CELF6: variants seen among roughly 807,000 people sequenced by gnomAD.
CELF6 encodes CUGBP Elav-like family member 6, also known as Bruno -like 6, RNA binding protein.
CELF6 carries 32 observed loss-of-function variants against 53.1 expected under a neutral mutation model. The observed-to-expected ratio is 0.60, with a 90% CI of 0.46 to 0.81. CELF6 has a LOEUF of 0.81. CELF6 is among the 30% of genes least tolerant of loss of function. CELF6 has a pLI of 0.00. For synonymous variants in CELF6, 291 were observed against 288.8 expected (o/e 1.01, Z -0.08); for missense variants, 539 against 669.5 (o/e 0.81, Z 2.15).
chr15:72,298,477 G>C (rs2088106770), intron 3 of CELF6, among the ~76,000 whole-genome samples: 1 of 152,154 alleles, frequency 6.6e-6, no homozygotes, highest in Non-Finnish European at 1.5e-5. Flanking sequence ...AAGTTTGAAC[G>C]TTAAAAGAAA....
intron 2 of CELF6, among the ~76,000 whole-genome samples, chr15:72,313,987 A>C (rs2088331152): frequency 6.6e-6 from 1 of 152,218 alleles, no homozygotes; most frequent in African/African-American, 2.4e-5. Flanking sequence ...GCTTAGCAGT[A>C]AAGACTTGCC....
chr15:72,289,346 A>T lies in CELF6; in HGVS notation c.880+29T>A. 6.5e-7 allele frequency: 1 copy of T among 1,527,410 alleles called. No homozygotes were observed. Among genetic ancestry groups the T allele is most frequent in the Non-Finnish European group, 8.7e-7 (1 of 1,143,190 alleles). 94.6% of individuals were successfully genotyped at this position (1,527,410 alleles called of 1,614,324 possible). Reference sequence around the variant, plus strand: ...CACCCCGCCCCGCCCGGCCCCTCCCAGGCGCGCCCCAGTCCCTGGGGGCCG... The same window carrying T: ...CACCCCGCCCCGCCCGGCCCCTCCCTGGCGCGCCCCAGTCCCTGGGGGCCG... On this transcript the variant is annotated intron_variant, in intron 7 of 12. Transcript: ENST00000287202. This position sits in a 1 kb window ranked among gnomAD's most constrained non-coding sequence, Gnocchi z 7.6.
chr15:72,290,687 G>C (rs116319953), intron 3 of CELF6, among the ~76,000 whole-genome samples: 2,286 of 152,324 alleles, frequency 0.015, 54 homozygotes, highest in African/African-American at 0.052. Context: ...GTCCAGAGAA[G>C]AGAAGTACAT....
intron 2 of CELF6, among the ~76,000 whole-genome samples, chr15:72,307,012 A>C (rs1460782694): frequency 1.3e-5 from 2 of 151,846 alleles, no homozygotes; most frequent in African/African-American, 4.8e-5. Context: ...CGGGTGCAGG[A>C]GAGGCAGGGA....
chr15:72,301,668 G>A (rs1035132551), intron 3 of CELF6, among the ~76,000 whole-genome samples: 6 of 151,858 alleles, frequency 4.0e-5, no homozygotes, highest in South Asian at 4.2e-4. Flanking sequence ...AATGGGACAC[G>A]CTGTTCCACG....
intron 2 of CELF6, among the ~76,000 whole-genome samples, chr15:72,315,351 C>T (rs1198091057): frequency 6.6e-6 from 1 of 152,184 alleles, no homozygotes; most frequent in East Asian, 1.9e-4. Flanking sequence ...CAGGTCTCCC[C>T]TAACTTTAGC....
intron 3 of CELF6, among the ~76,000 whole-genome samples, chr15:72,293,667 T>C (rs1296248886): frequency 2.0e-5 from 3 of 151,366 alleles, no homozygotes; most frequent in Non-Finnish European, 2.9e-5. Flanking sequence ...TGGCAACCGA[T>C]GTATACTTCT....
intron 3 of CELF6, among the ~76,000 whole-genome samples, chr15:72,293,069 A>G (rs144599182): frequency 1.1e-4 from 16 of 152,284 alleles, no homozygotes; most frequent in African/African-American, 3.8e-4. Flanking sequence ...CACTGACCCT[A>G]TGGATCTGGA....
chr15:72,303,196 C>A (rs1454603354), intron 3 of CELF6, among the ~76,000 whole-genome samples: 1 of 152,164 alleles, frequency 6.6e-6, no homozygotes, highest in Non-Finnish European at 1.5e-5. Flanking sequence ...CAACAATGGC[C>A]TTGATGCATA....
chr15:72,310,692 T>C (rs2088283866), intron 2 of CELF6, among the ~76,000 whole-genome samples: 2 of 152,090 alleles, frequency 1.3e-5, no homozygotes, highest in African/African-American at 2.4e-5. Context: ...GGTCTCACTA[T>C]GTTGTCCAGG....
Position 72,285,625 on chromosome 15 carries a change from G to A in CELF6, c.*746C>T, listed in dbSNP as rs1395791741. 1 of 152,344 alleles carries A rather than the reference G, an allele frequency of 6.6e-6. No homozygotes were observed. The highest frequency in any genetic ancestry group is 1.5e-5 in the Non-Finnish European group (1 of 68,094). The allele number at this position is 152,344 out of a possible 1,614,324, so 9.4% of individuals were successfully genotyped here. A position where few individuals can be genotyped will look rare whatever the true frequency, so the allele number is the denominator to read the frequency against. On this transcript the variant is annotated 3_prime_UTR_variant, in exon 13 of 13. Transcript: ENST00000287202. Reference sequence around the variant, plus strand: ...TCTTGCTGGCTAGGGGGCCTCCCGGGATGGCAAAGGCCAGGGCCAACCTGA... The same window carrying A: ...TCTTGCTGGCTAGGGGGCCTCCCGGAATGGCAAAGGCCAGGGCCAACCTGA...
chr15:72,292,254 C>G, intron 3 of CELF6: 2 of 1,535,306 alleles, frequency 1.3e-6, no homozygotes, highest in Non-Finnish European at 1.7e-6. Context: ...TGAGATCATC[C>G]TGTTCAGGAG....
At chr15:72,292,229 G>A (rs1395823685) in intron 3 of CELF6, 1 of 1,535,598 alleles carries the variant, frequency 6.5e-7, no homozygotes, top group Non-Finnish European at 8.7e-7. Flanking sequence ...TCCAGCTGTT[G>A]TTTGAGGGGG....
chr15:72,288,179 G>T lies in CELF6; in HGVS notation c.1318+129C>A. On this transcript the variant is annotated intron_variant, in intron 11 of 12. Coordinates refer to ENST00000287202, the MANE Select transcript of CELF6 (RefSeq NM_052840.5). This position sits in a 1 kb window ranked among gnomAD's most constrained non-coding sequence, Gnocchi z 4.6. ...CTAAACTTAGGCCCATCACTGGTTT[G>T]TGACCCTGTTTTGTGCCATACATTC... The T allele has an allele frequency of 9.5e-7, 1 of 1,053,118 alleles. No homozygotes were observed. The highest frequency in any genetic ancestry group is 1.4e-5 in the South Asian group (1 of 71,550). 65.2% of individuals were successfully genotyped at this position (1,053,118 alleles called of 1,614,324 possible).
intron 3 of CELF6, among the ~76,000 whole-genome samples, chr15:72,290,552 G>A (rs1381917503): frequency 1.3e-5 from 2 of 152,194 alleles, no homozygotes; most frequent in African/African-American, 2.4e-5. Flanking sequence ...GCTGGGTAGA[G>A]CCCTATATGC....
At chr15:72,311,359 GC>G (rs2088293303) in intron 2 of CELF6, among the ~76,000 whole-genome samples, 1 of 150,380 alleles carries the variant, frequency 6.6e-6, no homozygotes, top group Non-Finnish European at 1.5e-5. Flanking sequence ...TCTTTTACTT[GC>G]CCAGATGTAT....
At chr15:72,294,745 A>G (rs377308560) in intron 3 of CELF6, among the ~76,000 whole-genome samples, 118 of 152,260 alleles carry the variant, frequency 7.7e-4, no homozygotes, top group African/African-American at 2.6e-3. Flanking sequence ...TGGGAGGCCA[A>G]CGTGGGTGGA....
At chr15:72,290,068 G>A in intron 4 of CELF6, 50 bp from the exon 5 acceptor site, 2 of 1,613,480 alleles carry the variant, frequency 1.2e-6, no homozygotes, top group Non-Finnish European at 1.7e-6. Flanking sequence ...GGGCCAAAGA[G>A]TTATGTGGCC....
chr15:72,301,813 TGCAAGCTCC>T (rs2141196506), intron 3 of CELF6, among the ~76,000 whole-genome samples: 1 of 147,798 alleles, frequency 6.8e-6, no homozygotes, highest in Non-Finnish European at 1.5e-5. Context: ...CTTGGCTCAC[TGCAAGCTCC>T]GCCTGCTGGG....
Sources: allele counts gnomAD v4.1 joint callset (sites outside exome capture counted in the v4.1 genomes callset), GRCh38; gene constraint gnomAD v4.1.1; non-coding constraint Gnocchi (gnomAD v3.1); transcripts MANE v1.5; gene names NCBI Gene and HGNC (gene_info 2026-07-23, HGNC 2026-07-21).